Variants in CSMD3 observed in about 807,000 individuals in gnomAD.
CSMD3 encodes the protein CUB and Sushi multiple domains 3, also known as CUB and sushi domain-containing protein 3.
In CSMD3, 177 loss-of-function variants were observed where a neutral mutation model predicts 435.2. That is an observed-to-expected ratio of 0.41 (90% CI 0.36 to 0.46). The LOEUF (loss-of-function observed/expected upper bound fraction) is 0.46, where lower values mean the gene tolerates loss of function less well. CSMD3 is among the 20% of genes least tolerant of loss of function. The pLI is 0.34. For synonymous variants in CSMD3, 1,656 were observed against 1,520.5 expected (o/e 1.09, Z -2.07); for missense variants, 4,265 against 4,504.6 (o/e 0.95, Z 1.52).
At chr8:112,396,253 A>C (rs1830851909) in intron 35 of CSMD3, among the ~76,000 whole-genome samples, 1 of 152,200 alleles carries the variant, frequency 6.6e-6, no homozygotes, top group African/African-American at 2.4e-5. Flanking sequence ...TTTTGCTTTC[A>C]ATTGGATGCT....
chr8:112,612,203 T>C (rs1279950863), intron 22 of CSMD3, among the ~76,000 whole-genome samples: 4 of 152,224 alleles, frequency 2.6e-5, no homozygotes, highest in Non-Finnish European at 5.9e-5. Context: ...CATTTCATTA[T>C]GGTTCTTACG....
At chr8:112,407,125 A>T (rs1307171349) in intron 34 of CSMD3, among the ~76,000 whole-genome samples, 1 of 151,652 alleles carries the variant, frequency 6.6e-6, no homozygotes, top group Non-Finnish European at 1.5e-5. Context: ...ATAATTTTAC[A>T]TTTTTTTCAG....
intron 3 of CSMD3, among the ~76,000 whole-genome samples, chr8:113,231,036 T>C (rs1231535717): frequency 6.6e-6 from 1 of 151,414 alleles, no homozygotes; most frequent in Admixed American, 6.6e-5. Flanking sequence ...AATACCCACA[T>C]ATACACATAC....
chr8:112,288,622 A>C (rs1045799539), intron 57 of CSMD3, among the ~76,000 whole-genome samples: 7 of 152,050 alleles, frequency 4.6e-5, no homozygotes, highest in African/African-American at 7.2e-5. Context: ...AAGCAGAAAA[A>C]TAAGCACAAT....
intron 22 of CSMD3, among the ~76,000 whole-genome samples, chr8:112,594,615 T>A (rs181264892): frequency 8.5e-5 from 13 of 152,132 alleles, no homozygotes; most frequent in Admixed American, 7.2e-4. Flanking sequence ...AATGTCCCCG[T>A]CTGACAGCTT....
At chr8:112,762,715 T>C (rs2077871777) in intron 13 of CSMD3, among the ~76,000 whole-genome samples, 1 of 151,858 alleles carries the variant, frequency 6.6e-6, no homozygotes, top group Non-Finnish European at 1.5e-5. Flanking sequence ...ATAATCAAAG[T>C]TGTGTTTCAT....
intron 60 of CSMD3, among the ~76,000 whole-genome samples, chr8:112,264,877 G>C (rs1053469032): frequency 1.3e-5 from 2 of 151,832 alleles, no homozygotes; most frequent in Non-Finnish European, 2.9e-5. Context: ...ATTTCCAGTG[G>C]AAAAACAAAC....
intron 3 of CSMD3, among the ~76,000 whole-genome samples, chr8:113,188,743 A>C (rs2092544342): frequency 6.6e-6 from 1 of 151,920 alleles, no homozygotes; most frequent in African/African-American, 2.4e-5. Context: ...TAATAAAATC[A>C]AATAAACCTG....
At chr8:112,889,341 C>A (rs1422244167) in intron 10 of CSMD3, among the ~76,000 whole-genome samples, 1 of 151,602 alleles carries the variant, frequency 6.6e-6, no homozygotes, top group South Asian at 2.1e-4. Flanking sequence ...CTTTCAGCAG[C>A]CAAGTCTGGA....
chr8:112,636,568 C>G (rs1274037900), intron 22 of CSMD3, among the ~76,000 whole-genome samples: 1 of 79,044 alleles, frequency 1.3e-5, no homozygotes, highest in African/African-American at 5.6e-5. Flanking sequence ...ATCTATCTAT[C>G]TATCTATCTA....
At chr8:113,433,802 T>C (rs1165710963) in intron 1 of CSMD3, among the ~76,000 whole-genome samples, 1 of 152,144 alleles carries the variant, frequency 6.6e-6, no homozygotes, top group Non-Finnish European at 1.5e-5. Context: ...ACAGTTTCTA[T>C]CTGGGTGAGA....
intron 6 of CSMD3, among the ~76,000 whole-genome samples, chr8:112,999,827 A>T (rs999963130): frequency 6.6e-6 from 1 of 152,008 alleles, no homozygotes; most frequent in Non-Finnish European, 1.5e-5. Flanking sequence ...TAAATGAGAA[A>T]AAAAAAGGTC....
chr8:113,250,344 G>A (rs1266924604), intron 3 of CSMD3, among the ~76,000 whole-genome samples: 1 of 152,036 alleles, frequency 6.6e-6, no homozygotes, highest in African/African-American at 2.4e-5. Context: ...TTGAAGATGC[G>A]TTTGTGAGAA....
At chr8:113,102,393 T>G (rs1480499412) in intron 4 of CSMD3, among the ~76,000 whole-genome samples, 1 of 152,164 alleles carries the variant, frequency 6.6e-6, no homozygotes, top group African/African-American at 2.4e-5. Flanking sequence ...ATCTTCCAAG[T>G]GCCAGGAGGA....
intron 3 of CSMD3, among the ~76,000 whole-genome samples, chr8:113,215,076 T>C (rs2092886469): frequency 6.6e-6 from 1 of 151,830 alleles, no homozygotes; most frequent in African/African-American, 2.4e-5. Flanking sequence ...GAGAGGACAA[T>C]CTCATATATT....
At chr8:112,637,184 T>C (rs2074685567) in intron 21 of CSMD3, among the ~76,000 whole-genome samples, 179 bp from the exon 22 acceptor site, 1 of 152,156 alleles carries the variant, frequency 6.6e-6, no homozygotes, top group Non-Finnish European at 1.5e-5. Context: ...TTCTGTGAAA[T>C]AGCTAATAAC....
At chr8:113,103,988 C>T (rs1210012640) in intron 4 of CSMD3, among the ~76,000 whole-genome samples, 1 of 151,940 alleles carries the variant, frequency 6.6e-6, no homozygotes, top group African/African-American at 2.4e-5. Context: ...TTTCATTGAA[C>T]ATAATATAAA....
At chr8:112,942,042 C>T (rs1007668094) in intron 9 of CSMD3, among the ~76,000 whole-genome samples, 52 of 151,682 alleles carry the variant, frequency 3.4e-4, no homozygotes, top group African/African-American at 1.2e-3. Flanking sequence ...TTCACTATTA[C>T]AATATCCGAC....
In CSMD3 at chr8:112,291,641, A is replaced by G. The variant is rs1253557237; in HGVS notation, c.8843T>C (p.Ile2948Thr). The change falls in exon 56 of 71, where the codon ATA becomes ACA. Residue 2948 changes from isoleucine (I) to threonine (T), a missense_variant. By Grantham distance (89) the Ile-to-Thr change is moderately conservative. Transcript: ENST00000297405. ...GCCGTAAGTAAAATTTCCATGTTCTATTTTACTTTCTCTTTTAGAATTGGC... is the reference window on the plus strand; with the variant it reads ...GCCGTAAGTAAAATTTCCATGTTCTGTTTTACTTTCTCTTTTAGAATTGGC... The part of the protein sequence containing the change: ...IPANSKRESK[I>T]EHGNFTYGTV... 1 of 1,612,214 alleles carries G rather than the reference A, an allele frequency of 6.2e-7. No homozygotes were observed. The highest frequency in any genetic ancestry group is 1.3e-5 in the African/African-American group (1 of 74,860).
Sources: gnomAD v4.1 joint callset for allele counts (sites outside exome capture counted in the v4.1 genomes callset) on GRCh38, gnomAD v4.1.1 for gene constraint, MANE v1.5 for transcripts, NCBI Gene and HGNC (gene_info 2026-07-23, HGNC 2026-07-21) for gene names.